INPP4B: variants seen among roughly 807,000 people sequenced by gnomAD.
INPP4B encodes the protein inositol polyphosphate-4-phosphatase type II B.
In INPP4B, 55 loss-of-function variants were observed where a neutral mutation model predicts 122.5. The observed-to-expected ratio is 0.45, with a 90% confidence interval of 0.36 to 0.56. The LOEUF (loss-of-function observed/expected upper bound fraction) is 0.56. INPP4B is among the 20% of genes least tolerant of loss of function. INPP4B has a pLI of 0.00. For missense variants in INPP4B, 1,000 were observed against 1,097.7 expected, an observed-to-expected ratio of 0.91 and a Z score of 1.26; for synonymous variants, 403 against 388.7, an observed-to-expected ratio of 1.04 and a Z score of -0.43.
At chr4:142,285,111 G>A (rs2150857151) in intron 9 of INPP4B, among the ~76,000 whole-genome samples, 1 of 152,106 alleles carries the variant, frequency 6.6e-6, no homozygotes, top group African/African-American at 2.4e-5. Context: ...GTACTGGAAA[G>A]AGAGGTGATA....
intron 2 of INPP4B, among the ~76,000 whole-genome samples, chr4:142,657,394 T>C (rs1754354206): frequency 6.6e-6 from 1 of 152,196 alleles, no homozygotes; most frequent in Non-Finnish European, 1.5e-5. Context: ...TGGTAAGGTG[T>C]GGACATATGG....
At chr4:142,418,045 A>T (rs988740357) in intron 5 of INPP4B, among the ~76,000 whole-genome samples, 2 of 152,138 alleles carry the variant, frequency 1.3e-5, no homozygotes, top group Non-Finnish European at 2.9e-5. Context: ...CCCCAATTCT[A>T]CACAGGTATG....
chr4:142,545,182 A>ATAT (rs1485793631), intron 2 of INPP4B, among the ~76,000 whole-genome samples: 10 of 152,214 alleles, frequency 6.6e-5, no homozygotes, highest in Admixed American at 2.0e-4. Context: ...AATGGCACTT[A>ATAT]TATTAGTTCA....
chr4:142,445,365 G>T (rs1254764579), intron 3 of INPP4B, among the ~76,000 whole-genome samples: 1 of 151,162 alleles, frequency 6.6e-6, no homozygotes, highest in African/African-American at 2.4e-5. Flanking sequence ...GACTGAATTT[G>T]CAAAAATACT....
intron 7 of INPP4B, among the ~76,000 whole-genome samples, chr4:142,336,233 A>G (rs1776531364): frequency 6.6e-6 from 1 of 152,192 alleles, no homozygotes. Context: ...ATGAGACAAG[A>G]GCCTGGAACC....
In INPP4B at chr4:142,366,026, A is replaced by G. The variant is rs113969276; in HGVS notation, c.372+36912T>C. Among the ~76,000 whole-genome samples, 887 of 152,214 alleles carry G rather than the reference A, an allele frequency of 5.8e-3. 7 individuals carry two copies. The highest frequency in any genetic ancestry group is 0.02 in the African/African-American group (839 of 41,548). The stretch of plus-strand genomic sequence containing the variant: ...ATGTCCAGATCACCTGAAGCAACTG[A>G]AGATCCACAAAAGAAGTGAAAATAG... On this transcript the variant is annotated intron_variant, in intron 7 of 25. Transcript: ENST00000262992.
At chr4:142,835,365 C>A (rs1465851739) in intron 1 of INPP4B, among the ~76,000 whole-genome samples, 1 of 152,142 alleles carries the variant, frequency 6.6e-6, no homozygotes, top group African/African-American at 2.4e-5. Flanking sequence ...GGCTTTCTCT[C>A]CTGCGTGATT....
intron 12 of INPP4B, among the ~76,000 whole-genome samples, chr4:142,219,618 C>T (rs1213534560): frequency 6.6e-6 from 1 of 152,208 alleles, no homozygotes; most frequent in East Asian, 1.9e-4. Context: ...ATGAAACGTA[C>T]TTAAAAGCTG....
chr4:142,340,533 T>C (rs1478803093), intron 7 of INPP4B, among the ~76,000 whole-genome samples: 1 of 152,042 alleles, frequency 6.6e-6, no homozygotes, highest in Non-Finnish European at 1.5e-5. Flanking sequence ...TCAGCCTCCC[T>C]AGAAGCCAGG....
chr4:142,584,809 T>C (rs78530198), intron 2 of INPP4B, among the ~76,000 whole-genome samples: 2,137 of 152,214 alleles, frequency 0.014, 41 homozygotes, highest in African/African-American at 0.041. Flanking sequence ...GGGAGTTATG[T>C]TCCACCTCCT....
intron 15 of INPP4B, among the ~76,000 whole-genome samples, chr4:142,186,473 A>C (rs1833260583): frequency 6.6e-6 from 1 of 152,238 alleles, no homozygotes; most frequent in Admixed American, 6.5e-5. Context: ...GGAGGACAGA[A>C]AAATTAAACA....
chr4:142,204,084 A>G (rs1172556996), intron 14 of INPP4B, among the ~76,000 whole-genome samples: 1 of 152,052 alleles, frequency 6.6e-6, no homozygotes, highest in East Asian at 1.9e-4. Flanking sequence ...TGCAAATAAT[A>G]AAATGACACT....
In INPP4B at chr4:142,023,562, A is replaced by G. The variant is rs1054863489; in HGVS notation, c.*5220T>C. The stretch of plus-strand genomic sequence containing the variant: ...TTTTTAATGTTGATAGTGACATAAA[A>G]ACATCACAAGAATTATCTAGATAAT... On this transcript the variant is annotated 3_prime_UTR_variant, in exon 26 of 26. Coordinates refer to ENST00000262992, the MANE Select transcript of INPP4B (RefSeq NM_001101669.3). The G allele has an allele frequency of 6.6e-6, 1 of 152,224 alleles. No homozygotes were observed. The highest frequency in any genetic ancestry group is 2.4e-5 in the African/African-American group (1 of 41,472). The allele number at this position is 152,224 out of a possible 1,614,324, so 9.4% of individuals were successfully genotyped here. A position where few individuals can be genotyped will look rare whatever the true frequency, so the allele number is the denominator to read the frequency against.
chr4:142,373,488 G>A (rs1027078926), intron 7 of INPP4B, among the ~76,000 whole-genome samples: 26 of 152,042 alleles, frequency 1.7e-4, no homozygotes, highest in African/African-American at 5.8e-4. Context: ...CACAGACTCC[G>A]AAGCTAAATG....
intron 22 of INPP4B, 102 bp downstream of exon 22, chr4:142,112,440 T>A: frequency 8.7e-7 from 1 of 1,149,756 alleles, no homozygotes; most frequent in Non-Finnish European, 1.3e-6. Context: ...ATGTTACTCA[T>A]AAATTGATGT....
intron 2 of INPP4B, among the ~76,000 whole-genome samples, chr4:142,657,443 T>C (rs1387102188): frequency 6.6e-6 from 1 of 152,216 alleles, no homozygotes; most frequent in African/African-American, 2.4e-5. Context: ...AAACCTTGGC[T>C]GCACTTAGCA....
intron 9 of INPP4B, among the ~76,000 whole-genome samples, chr4:142,300,655 A>T (rs566759676): frequency 1.4e-4 from 21 of 152,334 alleles, no homozygotes; most frequent in Admixed American, 1.4e-3. Flanking sequence ...ATGCATGCAT[A>T]GGTATACATA....
chr4:142,232,738 A>C (rs2149873715), intron 12 of INPP4B, among the ~76,000 whole-genome samples: 1 of 152,264 alleles, frequency 6.6e-6, no homozygotes, highest in Non-Finnish European at 1.5e-5. Flanking sequence ...CTTGTGCCAA[A>C]CAGCCAAGTT....
intron 25 of INPP4B, among the ~76,000 whole-genome samples, chr4:142,062,269 T>A (rs1312505452): frequency 1.3e-5 from 2 of 151,696 alleles, no homozygotes; most frequent in East Asian, 3.9e-4. Flanking sequence ...CACCACATCA[T>A]CATCACAGCA....
Sources: gnomAD v4.1 joint callset for allele counts (sites outside exome capture counted in the v4.1 genomes callset) on GRCh38, gnomAD v4.1.1 for gene constraint, MANE v1.5 for transcripts, NCBI Gene and HGNC (gene_info 2026-07-23, HGNC 2026-07-21) for gene names.